The following CRB1 variants were observed in gnomAD, a reference collection of about 807,000 sequenced individuals.
The protein encoded by CRB1 is crumbs cell polarity complex component 1, also known as protein crumbs homolog 1.
Under a neutral mutation model 120.0 loss-of-function variants are expected in CRB1, and 83 were observed. The ratio of observed to expected loss-of-function variants is 0.69; its 90% CI spans 0.58 to 0.83. CRB1 has a LOEUF of 0.83. Ranked by LOEUF, CRB1 falls within the 40% of genes least tolerant of loss-of-function variation. The pLI, the probability that CRB1 is intolerant of heterozygous loss-of-function variation, is 0.00. For missense variants in CRB1, 1,699 were observed against 1,687.6 expected, an observed-to-expected ratio of 1.01 and a Z score of -0.12; for synonymous variants, 625 against 612.5, an observed-to-expected ratio of 1.02 and a Z score of -0.30.
intron 1 of CRB1, among the ~76,000 whole-genome samples, chr1:197,281,492 G>A (rs1220026416): frequency 2.0e-5 from 3 of 151,726 alleles, no homozygotes; most frequent in Non-Finnish European, 4.4e-5. Flanking sequence ...CACGTGTTGG[G>A]AAGTGCCATG....
At chr1:197,426,730 C>T (rs1042953195) in intron 6 of CRB1, among the ~76,000 whole-genome samples, 1 of 152,132 alleles carries the variant, frequency 6.6e-6, no homozygotes, top group Admixed American at 6.6e-5. Flanking sequence ...ACCAGGACCA[C>T]AGAAGGAAGG....
At chr1:197,299,543 C>T (rs1053221739) in intron 1 of CRB1, among the ~76,000 whole-genome samples, 6 of 144,570 alleles carry the variant, frequency 4.2e-5, no homozygotes, top group African/African-American at 7.7e-5. Context: ...TATGTGCAAT[C>T]GTGTACAAAT....
intron 4 of CRB1, among the ~76,000 whole-genome samples, chr1:197,349,904 T>C (rs1418593738): frequency 6.6e-6 from 1 of 151,602 alleles, no homozygotes; most frequent in Non-Finnish European, 1.5e-5. Context: ...ATCGAGACCA[T>C]CCTGGCTAAC....
intron 8 of CRB1, among the ~76,000 whole-genome samples, chr1:197,433,384 A>G (rs901969192): frequency 6.6e-6 from 1 of 152,158 alleles, no homozygotes; most frequent in Admixed American, 6.6e-5. Context: ...TAGTGTTTTC[A>G]GGTCATTTGC....
In CRB1 at chr1:197,344,320, A is replaced by C; in HGVS notation, c.692A>C (p.Gln231Pro). 6.2e-7 allele frequency: 1 copy of C among 1,614,180 alleles called. No homozygotes were observed. Among genetic ancestry groups the C allele is most frequent in the Non-Finnish European group, 8.5e-7 (1 of 1,180,026 alleles). ...TTGGAAATTGACGAATGTTGGTCCCAGCCTTGTTTAAATGGTGCAACTTGT... is the reference window on the plus strand; with the variant it reads ...TTGGAAATTGACGAATGTTGGTCCCCGCCTTGTTTAAATGGTGCAACTTGT... ...CELEIDECWSQPCLNGATCQD... is the reference protein window; with the variant it reads ...CELEIDECWSPPCLNGATCQD... The change falls in exon 3 of 12, where the codon CAG becomes CCG. Residue 231 changes from glutamine to proline, a missense_variant. Gln to Pro is a moderately conservative substitution (Grantham distance 76, BLOSUM62 -1). Transcript: ENST00000367400.
At chr1:197,446,926 T>C (rs1161032170) in intron 11 of CRB1, among the ~76,000 whole-genome samples, 4 of 152,210 alleles carry the variant, frequency 2.6e-5, no homozygotes, top group Non-Finnish European at 5.9e-5. Context: ...AAGAGGCATA[T>C]CAGGGTGTAT....
chr1:197,240,887 A>G, the CRB1 span, among the ~76,000 whole-genome samples: 42,093 of 151,922 alleles, frequency 0.28, 7,188 homozygotes, highest in African/African-American at 0.49. Flanking sequence ...TTCAATGATC[A>G]CCATTGAAAC....
At chr1:197,313,248 A>G (rs1571820442) in intron 1 of CRB1, among the ~76,000 whole-genome samples, 1 of 152,326 alleles carries the variant, frequency 6.6e-6, no homozygotes, top group South Asian at 2.1e-4. Flanking sequence ...CCATGATCCA[A>G]TCACCTGCCA....
At chr1:197,376,350 CT>C (rs1661645563) in intron 5 of CRB1, among the ~76,000 whole-genome samples, 1 of 152,068 alleles carries the variant, frequency 6.6e-6, no homozygotes, top group African/African-American at 2.4e-5. Context: ...CCAGGCAAAA[CT>C]TTTTATTTTT....
At chr1:197,322,236 A>G (rs1571836387) in intron 1 of CRB1, among the ~76,000 whole-genome samples, 1 of 151,986 alleles carries the variant, frequency 6.6e-6, no homozygotes, top group East Asian at 1.9e-4. Context: ...ATCCCAGCAC[A>G]TTGGGGGGCC....
Position 197,440,464 on chromosome 1 carries a change from G to A in CRB1, c.3879-1702G>A, listed in dbSNP as rs552937635. 3.9e-5 allele frequency: 6 copies of A among 152,290 alleles called. No individual in the cohort carries two copies. The South Asian group carries it at 1.0e-3, about 26-fold the overall frequency. The allele number at this position is 152,290 out of a possible 1,614,324, so 9.4% of individuals were successfully genotyped here. On this transcript the variant is annotated intron_variant, in intron 10 of 11. Coordinates refer to ENST00000367400, the MANE Select transcript of CRB1 (RefSeq NM_201253.3). ...GATATTTCTAAAACATTGAACCTGT[G>A]TTCAGTAGATTCTATGCTTTCAAAG...
intron 11 of CRB1, among the ~76,000 whole-genome samples, chr1:197,450,043 A>G (rs758330849): frequency 6.6e-6 from 1 of 152,168 alleles, no homozygotes; most frequent in Non-Finnish European, 1.5e-5. Context: ...AATAAAAATC[A>G]CATAGTGCCC....
the CRB1 span, among the ~76,000 whole-genome samples, chr1:197,239,696 G>A: frequency 1.4e-4 from 20 of 143,890 alleles, no homozygotes; most frequent in African/African-American, 4.4e-4. Context: ...TTATTGATAC[G>A]TTTGGGAAAA....
At chr1:197,464,344 A>C (rs1666660766) in intron 11 of CRB1, among the ~76,000 whole-genome samples, 1 of 152,142 alleles carries the variant, frequency 6.6e-6, no homozygotes, top group Admixed American at 6.5e-5. Context: ...TGGAAACAGG[A>C]TTGGGGAGGA....
the CRB1 span, among the ~76,000 whole-genome samples, chr1:197,227,788 G>GCCCT: frequency 6.6e-6 from 1 of 152,264 alleles, no homozygotes; most frequent in African/African-American, 2.4e-5. Context: ...TCCCTTCACT[G>GCCCT]CCCTACCAGA....
intron 4 of CRB1, 104 bp from the exon 5 acceptor site, chr1:197,356,727 A>G (rs1660496373): frequency 1.3e-5 from 15 of 1,163,764 alleles, no homozygotes; most frequent in Non-Finnish European, 1.8e-5. Flanking sequence ...AGGCACATCA[A>G]CTTGCTAAAT....
chr1:197,474,767 C>G, intron 11 of CRB1, among the ~76,000 whole-genome samples: 1 of 152,242 alleles, frequency 6.6e-6, no homozygotes, highest in Non-Finnish European at 1.5e-5. Context: ...TCCAGGAGAA[C>G]CGCCATTTAC....
chr1:197,329,891 T>A (rs532334159), intron 2 of CRB1, among the ~76,000 whole-genome samples: 1 of 152,310 alleles, frequency 6.6e-6, no homozygotes, highest in Non-Finnish European at 1.5e-5. Context: ...TACCATGTTC[T>A]CCCTTAGCAC....
Position 197,356,837 on chromosome 1 carries a change from C to G in CRB1, c.995C>G (p.Thr332Arg). The part of the protein sequence containing the change: ...NYTCHCWPGY[T>R]GAQCEIDLNE... ...CTGAATTTTCATCATGCAGGATACACAGGTGCCCAGTGTGAGATCGACCTC... is the reference window on the plus strand; with the variant it reads ...CTGAATTTTCATCATGCAGGATACAGAGGTGCCCAGTGTGAGATCGACCTC... Residue 332 changes from threonine (T) to arginine (R), a missense_variant, in exon 5 of 12, where the codon ACA (threonine) becomes AGA (arginine). By Grantham distance (71) the Thr-to-Arg change is moderately conservative. Coordinates refer to ENST00000367400, the MANE Select transcript of CRB1 (RefSeq NM_201253.3). The G allele has an allele frequency of 6.2e-7, 1 of 1,614,184 alleles. No homozygotes were observed. Among genetic ancestry groups the G allele is most frequent in the Non-Finnish European group, 8.5e-7 (1 of 1,180,020 alleles).
Sources: gnomAD v4.1 joint callset for allele counts (sites outside exome capture counted in the v4.1 genomes callset) on GRCh38, gnomAD v4.1.1 for gene constraint, MANE v1.5 for transcripts, NCBI Gene and HGNC (gene_info 2026-07-23, HGNC 2026-07-21) for gene names.